CRLF3: variants seen among roughly 807,000 people sequenced by gnomAD.
The protein encoded by CRLF3 is cytokine receptor like factor 3, also known as cytokine receptor-like factor 3.
Under a neutral mutation model 55.0 loss-of-function variants are expected in CRLF3, and 33 were observed. The ratio of observed to expected loss-of-function variants is 0.60; its 90% confidence interval spans 0.46 to 0.80. The LOEUF (loss-of-function observed/expected upper bound fraction) is 0.80, where lower values mean the gene tolerates loss of function less well. Among genes scored for constraint, CRLF3 ranks in the 30% least tolerant of loss-of-function variants. The pLI, the probability that CRLF3 is intolerant of heterozygous loss-of-function variation, is 0.00. For synonymous variants in CRLF3, 238 were observed against 196.8 expected (o/e 1.21, Z -1.75); for missense variants, 494 against 538.4 (o/e 0.92, Z 0.82).
chr17:30,798,379 C>G (rs894598613), intron 2 of CRLF3, among the ~76,000 whole-genome samples: 3 of 146,136 alleles, frequency 2.1e-5, no homozygotes, highest in South Asian at 4.7e-4. Context: ...CTCCGTCCCC[C>G]CCGCCAAAAA....
Position 30,784,452 on chromosome 17 carries a change from T to A in CRLF3, c.1073-9A>T. 1.2e-6 allele frequency: 2 copies of A among 1,608,802 alleles called. No homozygotes were observed. Among genetic ancestry groups the A allele is most frequent in the Non-Finnish European group, 1.7e-6 (2 of 1,175,524 alleles). On this transcript the variant is annotated splice_polypyrimidine_tract_variant and intron_variant, in intron 7 of 7. Transcript: ENST00000324238. ...ATTGACAAAAACTGCACCTAAAATG[T>A]TAAGGTAAAGAGTCATTTACATGTG...
At chr17:30,821,265 G>A (rs746057328) in intron 1 of CRLF3, among the ~76,000 whole-genome samples, 5 of 148,440 alleles carry the variant, frequency 3.4e-5, no homozygotes, top group Non-Finnish European at 6.0e-5. Context: ...ACTTGAGCCT[G>A]AGAGGCAGAG....
chr17:30,806,046 T>TACAA (rs370808061), intron 1 of CRLF3, among the ~76,000 whole-genome samples: 2 of 151,804 alleles, frequency 1.3e-5, no homozygotes, highest in South Asian at 2.1e-4. Flanking sequence ...AAAGCCACAA[T>TACAA]ACAAACAAAC....
At chr17:30,790,179 C>T (rs1052942068) in intron 6 of CRLF3, among the ~76,000 whole-genome samples, 2 of 152,110 alleles carry the variant, frequency 1.3e-5, no homozygotes, top group African/African-American at 2.4e-5. Context: ...TTCAGATATT[C>T]TCCATGCCTT....
intron 2 of CRLF3, among the ~76,000 whole-genome samples, chr17:30,797,978 C>G (rs1171143536): frequency 3.5e-5 from 4 of 114,250 alleles, no homozygotes; most frequent in Non-Finnish European, 7.5e-5. Context: ...TGAGGTCTCA[C>G]TATGTTGCCC....
intron 1 of CRLF3, among the ~76,000 whole-genome samples, chr17:30,812,076 C>T (rs1904646615): frequency 6.6e-6 from 1 of 151,484 alleles, no homozygotes; most frequent in African/African-American, 2.4e-5. Flanking sequence ...CGCCAGTGCA[C>T]TCCAGCCTGG....
At chr17:30,786,191 T>C (rs751504971) in intron 6 of CRLF3, 160 bp from the exon 7 acceptor site, 21 of 537,168 alleles carry the variant, frequency 3.9e-5, no homozygotes, top group Middle Eastern at 3.8e-4. Flanking sequence ...GGCACTGTTC[T>C]AATTATTTTA....
Position 30,824,573 on chromosome 17 carries a change from G to C in CRLF3, c.79C>G (p.Arg27Gly). 6.2e-7 allele frequency: 1 copy of C among 1,603,596 alleles called. No homozygotes were observed. Among genetic ancestry groups the C allele is most frequent in the Non-Finnish European group, 8.5e-7 (1 of 1,178,564 alleles). ...RENVEAAQSY[R>G]RELGHRLEGL... ...TCAAGCCGGTGACCCAGCTCCCGCC[G>C]GTAGCTCTGCGCTGCCTCCACGTTC... is the stretch of plus-strand genomic sequence containing the variant. Residue 27 changes from arginine to glycine, a missense_variant, in exon 1 of 8, where the codon CGG becomes GGG. By Grantham distance (125) the Arg-to-Gly change is moderately radical. Transcript: ENST00000324238.
chr17:30,806,847 A>G (rs1284575778), intron 1 of CRLF3, among the ~76,000 whole-genome samples: 1 of 152,158 alleles, frequency 6.6e-6, no homozygotes, highest in African/African-American at 2.4e-5. Context: ...TATGTTGCCC[A>G]AGCTGGTCTT....
At chr17:30,795,623 C>T (rs1158354817) in intron 4 of CRLF3, among the ~76,000 whole-genome samples, 2 of 150,674 alleles carry the variant, frequency 1.3e-5, no homozygotes, top group African/African-American at 2.4e-5. Flanking sequence ...CCAGCCTGGG[C>T]GACACAGCAA....
chr17:30,790,295 T>C (rs1401798586), intron 6 of CRLF3, among the ~76,000 whole-genome samples: 1 of 152,100 alleles, frequency 6.6e-6, no homozygotes, highest in Non-Finnish European at 1.5e-5. Flanking sequence ...CTAAGGTGAG[T>C]ATGGTGAAAA....
intron 6 of CRLF3, 115 bp from the exon 7 acceptor site, chr17:30,786,146 T>C: frequency 1.5e-6 from 1 of 649,858 alleles, no homozygotes; most frequent in South Asian, 1.8e-5. Context: ...TTCTAAATAG[T>C]ACAGCAACCA....
At chr17:30,811,753 G>A (rs1376043531) in intron 1 of CRLF3, among the ~76,000 whole-genome samples, 3 of 141,336 alleles carry the variant, frequency 2.1e-5, no homozygotes, top group East Asian at 4.2e-4. Flanking sequence ...GCAGTGAGCC[G>A]AGGCCGTGCC....
At chr17:30,786,053 C>A in intron 6 of CRLF3, 22 bp from the exon 7 acceptor site, 1 of 1,276,122 alleles carries the variant, frequency 7.8e-7, no homozygotes. Flanking sequence ...GTAGAAAGGT[C>A]ATTTCATACT....
rs751773627 is a variant in CRLF3, at chr17:30,792,477, C to A, written c.922G>T (p.Ala308Ser). The A allele has an allele frequency of 4.3e-5, 70 of 1,612,294 alleles. No homozygotes were observed. The highest frequency in any genetic ancestry group is 5.7e-5 in the Non-Finnish European group (67 of 1,178,598). The change falls in exon 6 of 8, where the codon GCT becomes TCT. Residue 308 changes from alanine (A) to serine (S), a missense_variant. Coordinates refer to ENST00000324238, the MANE Select transcript of CRLF3 (RefSeq NM_015986.4). ...GTCTGCCCACAGAAATAAGTCGGAG[C>A]TCTGGAGTAGAGAACACCCGATGAT... ...SESSGVLYSR[A>S]PTYFCGQTLT...
intron 1 of CRLF3, among the ~76,000 whole-genome samples, chr17:30,805,565 T>G (rs924624011): frequency 1.3e-5 from 2 of 151,876 alleles, no homozygotes; most frequent in Admixed American, 6.6e-5. Flanking sequence ...CACAAAAAAA[T>G]TAGCTGAGTT....
chr17:30,792,987 T>A lies in CRLF3; in HGVS notation c.827-415A>T, dbSNP rs553121492. On this transcript the variant is annotated intron_variant, in intron 5 of 7. Transcript: ENST00000324238. ...GCCTGGGCAACATAGCAAGACCCAG[T>A]CTCTAGAAAAAAATAAAAAATTAGC... Among the ~76,000 whole-genome samples, 4 of 146,888 alleles carry A rather than the reference T, an allele frequency of 2.7e-5. 1 individual carries two copies. The South Asian group carries it at 8.8e-4, about 32-fold the overall frequency.
chr17:30,783,970 T>A lies in CRLF3; in HGVS notation c.*217A>T, dbSNP rs1971568807. On this transcript the variant is annotated 3_prime_UTR_variant, in exon 8 of 8. Transcript: ENST00000324238. ...TTGATTTTTATTGTGATGTGATATT[T>A]AACAGTATGCTAAAAATAAAATTGA... 2.0e-6 allele frequency: 1 copy of A among 503,922 alleles called. No homozygotes were observed. The highest frequency in any genetic ancestry group is 3.5e-6 in the Non-Finnish European group (1 of 285,492). The allele number at this position is 503,922 out of a possible 1,614,324, so 31.2% of individuals were successfully genotyped here. A position where few individuals can be genotyped will look rare whatever the true frequency, so the allele number is the denominator to read the frequency against.
chr17:30,792,419 G>T (rs763962711), intron 6 of CRLF3, 21 bp downstream of exon 6: 2 of 1,593,742 alleles, frequency 1.3e-6, no homozygotes, highest in Admixed American at 3.3e-5. Flanking sequence ...AGGCAGGTGA[G>T]ATGTTTTAAT....
Sources: gnomAD v4.1 joint callset for allele counts (sites outside exome capture counted in the v4.1 genomes callset) on GRCh38, gnomAD v4.1.1 for gene constraint, MANE v1.5 for transcripts, NCBI Gene and HGNC (gene_info 2026-07-23, HGNC 2026-07-21) for gene names.